The following SYNE1 variants were observed in gnomAD, a reference collection of about 807,000 sequenced individuals.
SYNE1 encodes spectrin repeat containing nuclear envelope protein 1.
A neutral mutation model predicts 1,111.0 loss-of-function variants in SYNE1; 616 were observed. The ratio of observed to expected loss-of-function variants is 0.55; its 90% CI spans 0.52 to 0.59. SYNE1 has a LOEUF of 0.59. Ranked by LOEUF, SYNE1 falls within the 20% of genes least tolerant of loss-of-function variation. SYNE1 has a pLI of 0.00. For missense variants in SYNE1, 10,006 were observed against 10,417.0 expected (o/e 0.96, Z 1.72); for synonymous variants, 3,855 against 3,825.8 (o/e 1.01, Z -0.28).
chr6:152,439,063 A>C (rs2098503125), intron 32 of SYNE1, among the ~76,000 whole-genome samples: 1 of 152,218 alleles, frequency 6.6e-6, no homozygotes, highest in South Asian at 2.1e-4. Context: ...CCTATTTCTT[A>C]GGACTGTTTT....
At chr6:152,383,284 G>T (rs900154771) in intron 55 of SYNE1, among the ~76,000 whole-genome samples, 1 of 152,192 alleles carries the variant, frequency 6.6e-6, no homozygotes, top group Non-Finnish European at 1.5e-5. Context: ...AGCAGCCTTT[G>T]TGAAAGAATT....
intron 3 of SYNE1, among the ~76,000 whole-genome samples, chr6:152,572,221 G>T (rs1402350342): frequency 6.6e-6 from 1 of 152,154 alleles, no homozygotes; most frequent in African/African-American, 2.4e-5. Flanking sequence ...AACAATTGAG[G>T]TAATGTTACT....
At chr6:152,470,464 C>T (rs976557981) in intron 16 of SYNE1, among the ~76,000 whole-genome samples, 2 of 152,046 alleles carry the variant, frequency 1.3e-5, no homozygotes, top group Non-Finnish European at 2.9e-5. Context: ...CATAACTTTC[C>T]AAAACAACTA....
At chr6:152,380,542 A>C (rs552162987) in intron 56 of SYNE1, 69 of 184,272 alleles carry the variant, frequency 3.7e-4, no homozygotes, top group South Asian at 1.2e-3. Context: ...AACCACACAG[A>C]GGAGAGCTAA....
chr6:152,397,885 C>T (rs2097760179), intron 49 of SYNE1, among the ~76,000 whole-genome samples: 1 of 151,770 alleles, frequency 6.6e-6, no homozygotes, highest in South Asian at 2.1e-4. Context: ...CCTGTAATCC[C>T]AGCTACTTGG....
At chr6:152,450,248 C>T (rs1396710710) in intron 27 of SYNE1, among the ~76,000 whole-genome samples, 1 of 152,184 alleles carries the variant, frequency 6.6e-6, no homozygotes, top group African/African-American at 2.4e-5. Flanking sequence ...TTTGCTTCCC[C>T]TTCTGGCATG....
At chr6:152,336,291 C>T (rs1271794905) in intron 76 of SYNE1, 2 of 171,268 alleles carry the variant, frequency 1.2e-5, no homozygotes, top group African/African-American at 2.4e-5. Flanking sequence ...CCATCTGAAG[C>T]TTCAGTAATA....
At chr6:152,417,587 T>C (rs920265517) in intron 40 of SYNE1, among the ~76,000 whole-genome samples, 16 of 152,212 alleles carry the variant, frequency 1.1e-4, no homozygotes, top group African/African-American at 3.9e-4. Flanking sequence ...TGGATAGAAA[T>C]TGTTAGTTAA....
chr6:152,468,881 T>C (rs1226456388), intron 16 of SYNE1, among the ~76,000 whole-genome samples: 1 of 152,164 alleles, frequency 6.6e-6, no homozygotes, highest in African/African-American at 2.4e-5. Context: ...GCTCAAGCCA[T>C]CCTCCTGCCT....
At chr6:152,392,695 T>C (rs1467312459) in intron 51 of SYNE1, among the ~76,000 whole-genome samples, 5 of 152,046 alleles carry the variant, frequency 3.3e-5, no homozygotes, top group Non-Finnish European at 7.4e-5. Flanking sequence ...ACTTATAAAA[T>C]AAAATAAAAT....
At chr6:152,289,777 C>T (rs1348455260) in intron 95 of SYNE1, among the ~76,000 whole-genome samples, 1 of 152,196 alleles carries the variant, frequency 6.6e-6, no homozygotes, top group Non-Finnish European at 1.5e-5. Context: ...CAAGCGCCCA[C>T]CACCATGCCT....
In SYNE1 at chr6:152,136,666, C is replaced by G; in HGVS notation, c.25611G>C (p.Leu8537=). ...GCAGCAGGCCCCGCCACTCCTCCAG[C>G]AGAGAGCACACTCGGTCCCAGCGCC... The part of the protein sequence containing the change: ...MNGRWDRVCS[L]LEEWRGLLQD... Residue 8537 remains leucine, a synonymous_variant, in exon 141 of 146, where the codon CTG becomes CTC. Coordinates refer to ENST00000367255, the MANE Select transcript of SYNE1 (RefSeq NM_182961.4). 1 of 1,614,136 alleles carries G rather than the reference C, an allele frequency of 6.2e-7. No individual in the cohort carries two copies. The highest frequency in any genetic ancestry group is 1.1e-5 in the South Asian group (1 of 91,082).
At chr6:152,608,370 A>G (rs941197020) in intron 3 of SYNE1, among the ~76,000 whole-genome samples, 2 of 152,208 alleles carry the variant, frequency 1.3e-5, no homozygotes, top group Admixed American at 1.3e-4. Context: ...ACTATTTATA[A>G]TAAGTGCTCT....
At chr6:152,633,964 C>T (rs1350290028) in intron 2 of SYNE1, among the ~76,000 whole-genome samples, 1 of 151,838 alleles carries the variant, frequency 6.6e-6, no homozygotes, top group African/African-American at 2.4e-5. Context: ...TGGGATGCTC[C>T]CAGTTGAAAG....
intron 3 of SYNE1, among the ~76,000 whole-genome samples, chr6:152,554,367 T>C (rs2099358067): frequency 6.6e-6 from 1 of 151,462 alleles, no homozygotes; most frequent in Non-Finnish European, 1.5e-5. Context: ...CACCAAGAGA[T>C]GCTGCCTCCT....
intron 113 of SYNE1, among the ~76,000 whole-genome samples, chr6:152,231,792 G>GTGTA (rs1309374390): frequency 1.5e-5 from 2 of 131,402 alleles, no homozygotes; most frequent in Admixed American, 1.6e-4. Context: ...GTATGTGTGT[G>GTGTA]TGTGTGTGTG....
chr6:152,277,591 A>G (rs975406670), intron 98 of SYNE1: 30 of 189,048 alleles, frequency 1.6e-4, no homozygotes, highest in Non-Finnish European at 1.3e-4. Flanking sequence ...CCCTGCCCAC[A>G]TTCCTTTTTC....
intron 87 of SYNE1, among the ~76,000 whole-genome samples, chr6:152,314,268 G>T (rs1433959440): frequency 1.3e-5 from 2 of 152,146 alleles, no homozygotes; most frequent in Non-Finnish European, 2.9e-5. Flanking sequence ...AGACTTTTAG[G>T]ATCTTTTTCT....
At chr6:152,340,943 T>C (rs1200221001) in intron 74 of SYNE1, among the ~76,000 whole-genome samples, 1 of 152,144 alleles carries the variant, frequency 6.6e-6, no homozygotes, top group Non-Finnish European at 1.5e-5. Flanking sequence ...ACTACATAAA[T>C]AGGGATAAAT....
Sources: gnomAD v4.1 joint callset for allele counts (sites outside exome capture counted in the v4.1 genomes callset) on GRCh38, gnomAD v4.1.1 for gene constraint, MANE v1.5 for transcripts, NCBI Gene and HGNC (gene_info 2026-07-23, HGNC 2026-07-21) for gene names.